Variants in ZMAT4 observed in about 807,000 individuals in gnomAD.
The protein encoded by ZMAT4 is zinc finger matrin-type protein 4.
A neutral mutation model predicts 28.7 loss-of-function variants in ZMAT4; 17 were observed. The observed-to-expected ratio is 0.59, with a 90% CI of 0.41 to 0.89. ZMAT4 has a LOEUF of 0.89. ZMAT4 is among the 40% of genes least tolerant of loss of function. The pLI, the probability that ZMAT4 is intolerant of heterozygous loss-of-function variation, is 0.00. For missense variants in ZMAT4, 240 were observed against 283.8 expected, an observed-to-expected ratio of 0.85 and a Z score of 1.11; for synonymous variants, 117 against 109.2, an observed-to-expected ratio of 1.07 and a Z score of -0.44.
chr8:40,689,663 A>G (rs1382199648), intron 4 of ZMAT4, among the ~76,000 whole-genome samples: 1 of 151,890 alleles, frequency 6.6e-6, no homozygotes, highest in Non-Finnish European at 1.5e-5. Context: ...TCTTTAATAG[A>G]TGATTCAGGA....
At chr8:40,707,457 C>T (rs1810410225) in intron 3 of ZMAT4, among the ~76,000 whole-genome samples, 1 of 152,014 alleles carries the variant, frequency 6.6e-6, no homozygotes, top group Admixed American at 6.6e-5. Flanking sequence ...ACATGAAATT[C>T]CTCCTCTGTC....
At chr8:40,857,020 G>C (rs970453174) in intron 1 of ZMAT4, among the ~76,000 whole-genome samples, 2 of 152,150 alleles carry the variant, frequency 1.3e-5, no homozygotes, top group Admixed American at 1.3e-4. Context: ...TCCTGCTATT[G>C]GTGTTAGTTA....
At chr8:40,829,118 A>T (rs1470827168) in intron 1 of ZMAT4, among the ~76,000 whole-genome samples, 1 of 152,142 alleles carries the variant, frequency 6.6e-6, no homozygotes, top group South Asian at 2.1e-4. Flanking sequence ...CCCTGGAAAC[A>T]TTCGTATTGT....
intron 2 of ZMAT4, among the ~76,000 whole-genome samples, chr8:40,776,925 CT>C (rs36090424): frequency 0.49 from 68,603 of 141,206 alleles, 16,313 homozygotes; most frequent in Middle Eastern, 0.65. Flanking sequence ...CGATTTCTTT[CT>C]TTTTTTTTTT....
intron 1 of ZMAT4, among the ~76,000 whole-genome samples, chr8:40,885,813 C>T (rs974601152): frequency 6.6e-6 from 1 of 152,214 alleles, no homozygotes; most frequent in African/African-American, 2.4e-5. Flanking sequence ...TCCCTCGCTG[C>T]CTTCAGGTCT....
intron 6 of ZMAT4, among the ~76,000 whole-genome samples, chr8:40,570,190 A>G: frequency 6.6e-6 from 1 of 152,210 alleles, no homozygotes; most frequent in East Asian, 1.9e-4. Context: ...AGACTAGACT[A>G]CAGTGATAGA....
intron 3 of ZMAT4, among the ~76,000 whole-genome samples, chr8:40,725,367 C>T (rs1481395907): frequency 1.3e-5 from 2 of 152,076 alleles, no homozygotes; most frequent in South Asian, 2.1e-4. Flanking sequence ...AGGGGCCTTC[C>T]TCAGGGGGGA....
chr8:40,704,049 G>T (rs1810253956), intron 3 of ZMAT4, among the ~76,000 whole-genome samples: 1 of 152,198 alleles, frequency 6.6e-6, no homozygotes. Flanking sequence ...ACTTGCAGCT[G>T]CTACTAAGCT....
At chr8:40,731,655 C>T (rs1239056149) in intron 3 of ZMAT4, among the ~76,000 whole-genome samples, 1 of 152,126 alleles carries the variant, frequency 6.6e-6, no homozygotes, top group Non-Finnish European at 1.5e-5. Flanking sequence ...ATCTATGAGA[C>T]AAACACTTGA....
At chr8:40,536,258 A>G (rs1312688193) in intron 6 of ZMAT4, among the ~76,000 whole-genome samples, 1 of 152,142 alleles carries the variant, frequency 6.6e-6, no homozygotes, top group Non-Finnish European at 1.5e-5. Context: ...CCCATAATCA[A>G]TCAATCCCAA....
At chr8:40,658,619 TACACACACACACACACACACAC>T (rs3038825) in intron 5 of ZMAT4, among the ~76,000 whole-genome samples, 6 of 145,504 alleles carry the variant, frequency 4.1e-5, no homozygotes, top group Non-Finnish European at 9.0e-5. Flanking sequence ...GTTAGACACA[TACACACACACACACACACACAC>T]ACACACACAC....
intron 5 of ZMAT4, among the ~76,000 whole-genome samples, chr8:40,668,468 C>CAAAAAAAAAAAAAAAA (rs71224843): frequency 2.4e-5 from 2 of 85,014 alleles, no homozygotes; most frequent in Non-Finnish European, 4.5e-5. Context: ...GACTTTGTCT[C>CAAAAAAAAAAAAAAAA]AAAAAAAAAA....
chr8:40,743,882 G>A (rs1383523181), intron 3 of ZMAT4, among the ~76,000 whole-genome samples: 1 of 152,198 alleles, frequency 6.6e-6, no homozygotes, highest in Non-Finnish European at 1.5e-5. Context: ...GGTGGCCTTC[G>A]TGGTACAGGT....
At chr8:40,680,144 CTT>C (rs1044451941) in intron 4 of ZMAT4, among the ~76,000 whole-genome samples, 2 of 152,214 alleles carry the variant, frequency 1.3e-5, no homozygotes, top group Admixed American at 6.5e-5. Context: ...TTCCCCCAAA[CTT>C]ATATTTTCTG....
intron 3 of ZMAT4, among the ~76,000 whole-genome samples, chr8:40,758,097 C>CA (rs1812769408): frequency 6.6e-6 from 1 of 152,130 alleles, no homozygotes; most frequent in South Asian, 2.1e-4. Flanking sequence ...GGACTGGCTT[C>CA]TTTTTTCCTC....
intron 5 of ZMAT4, among the ~76,000 whole-genome samples, chr8:40,611,584 C>T (rs938839595): frequency 1.3e-5 from 2 of 152,184 alleles, no homozygotes; most frequent in African/African-American, 4.8e-5. Flanking sequence ...TGGTGATCCA[C>T]CCACCTCAGC....
intron 3 of ZMAT4, among the ~76,000 whole-genome samples, chr8:40,756,527 A>G (rs1003038455): frequency 4.1e-5 from 6 of 145,878 alleles, no homozygotes; most frequent in Admixed American, 1.4e-4. Flanking sequence ...ATAGCAAGTG[A>G]TAGGAAAAAC....
intron 3 of ZMAT4, among the ~76,000 whole-genome samples, chr8:40,727,878 G>A (rs1394947331): frequency 1.3e-5 from 2 of 152,040 alleles, no homozygotes. Context: ...CTAAAATAAA[G>A]GAATGTTAAG....
intron 3 of ZMAT4, among the ~76,000 whole-genome samples, chr8:40,756,212 T>C (rs1455916801): frequency 2.0e-5 from 3 of 151,966 alleles, no homozygotes; most frequent in Non-Finnish European, 4.4e-5. Context: ...AAGTTCTGTG[T>C]ATTTGTCTTA....
Sources: allele counts gnomAD v4.1 joint callset (sites outside exome capture counted in the v4.1 genomes callset), GRCh38; gene constraint gnomAD v4.1.1; transcripts MANE v1.5; gene names NCBI Gene and HGNC (gene_info 2026-07-23, HGNC 2026-07-21).